SLC25A21: variants seen among roughly 807,000 people sequenced by gnomAD.
SLC25A21 encodes mitochondrial 2-oxodicarboxylate carrier.
Under a neutral mutation model 43.8 loss-of-function variants are expected in SLC25A21, and 47 were observed. The observed-to-expected ratio is 1.07, with a 90% confidence interval of 0.85 to 1.37. The LOEUF is 1.37. Among genes scored for constraint, SLC25A21 ranks in the 40% most tolerant of loss-of-function variants. The pLI is 0.00. For synonymous variants in SLC25A21, 131 were observed against 121.3 expected, an observed-to-expected ratio of 1.08 and a Z score of -0.52; for missense variants, 352 against 350.2, an observed-to-expected ratio of 1.00 and a Z score of -0.04.
intron 5 of SLC25A21, among the ~76,000 whole-genome samples, chr14:36,728,202 G>A (rs1469924533): frequency 6.6e-6 from 1 of 152,116 alleles, no homozygotes; most frequent in Non-Finnish European, 1.5e-5. Flanking sequence ...AAAAGTAACT[G>A]AAATAAATGA....
chr14:37,059,543 G>T (rs1459972239), intron 1 of SLC25A21, among the ~76,000 whole-genome samples: 1 of 152,194 alleles, frequency 6.6e-6, no homozygotes, highest in Non-Finnish European at 1.5e-5. Context: ...ATATAAAGGA[G>T]AATTGGGTTT....
At chr14:37,077,032 T>C (rs1359250177) in intron 1 of SLC25A21, among the ~76,000 whole-genome samples, 1 of 152,182 alleles carries the variant, frequency 6.6e-6, no homozygotes, top group African/African-American at 2.4e-5. Context: ...CATAAAAAAT[T>C]TGAGCTGTTT....
chr14:36,696,871 A>C (rs990557734), intron 7 of SLC25A21, among the ~76,000 whole-genome samples: 1 of 152,016 alleles, frequency 6.6e-6, no homozygotes, highest in African/African-American at 2.4e-5. Flanking sequence ...TCCTGGATTC[A>C]TTGGTTTTTT....
chr14:37,110,803 T>C (rs1160147814), intron 1 of SLC25A21, among the ~76,000 whole-genome samples: 1 of 152,212 alleles, frequency 6.6e-6, no homozygotes, highest in Admixed American at 6.5e-5. Flanking sequence ...AGGAATAGCC[T>C]GCTTGAACCA....
At chr14:36,744,056 A>G (rs565333960) in intron 3 of SLC25A21, among the ~76,000 whole-genome samples, 1 of 152,300 alleles carries the variant, frequency 6.6e-6, no homozygotes, top group African/African-American at 2.4e-5. Context: ...AACAAGTGGG[A>G]AAAAATCCTA....
chr14:36,685,272 A>T (rs2139141200), intron 7 of SLC25A21, among the ~76,000 whole-genome samples: 1 of 152,314 alleles, frequency 6.6e-6, no homozygotes, highest in East Asian at 1.9e-4. Context: ...ATCCAAGCAC[A>T]CTATTAGCTA....
chr14:36,985,820 G>A (rs1960134412), intron 1 of SLC25A21, among the ~76,000 whole-genome samples: 1 of 152,054 alleles, frequency 6.6e-6, no homozygotes, highest in Non-Finnish European at 1.5e-5. Flanking sequence ...ATTTGTATCA[G>A]AGAGAACTCA....
At chr14:36,712,349 CT>C (rs573742129) in intron 6 of SLC25A21, among the ~76,000 whole-genome samples, 5,967 of 142,562 alleles carry the variant, frequency 0.042, 353 homozygotes, top group African/African-American at 0.13. Flanking sequence ...CTGTTCAGTG[CT>C]TTTTTTTTTT....
At chr14:36,840,609 C>T (rs1055910323) in intron 2 of SLC25A21, among the ~76,000 whole-genome samples, 2 of 152,190 alleles carry the variant, frequency 1.3e-5, no homozygotes, top group Non-Finnish European at 2.9e-5. Context: ...TATCATCCTT[C>T]AAATGGCTTG....
In SLC25A21 at chr14:36,850,309, A is replaced by G. The variant is rs1223406236; in HGVS notation, c.119+24647T>C. Among the ~76,000 whole-genome samples the G allele has an allele frequency of 3.3e-5, 5 of 152,222 alleles. No individual in the cohort carries two copies. The South Asian group carries it at 1.0e-3, about 32-fold the overall frequency. On this transcript the variant is annotated intron_variant, in intron 2 of 9. Transcript: ENST00000331299. ...CAGGGCACTTTACATATATAATAGT[A>G]TGTGATAAAACTATTCTATGAGGTA...
chr14:37,055,771 T>TA (rs1961811744), intron 1 of SLC25A21, among the ~76,000 whole-genome samples: 1 of 152,094 alleles, frequency 6.6e-6, no homozygotes, highest in South Asian at 2.1e-4. Context: ...TGTAAAAGAG[T>TA]ACGTAATAGC....
At chr14:36,923,571 CT>C (rs1892040433) in intron 1 of SLC25A21, among the ~76,000 whole-genome samples, 1 of 151,904 alleles carries the variant, frequency 6.6e-6, no homozygotes, top group African/African-American at 2.4e-5. Context: ...CAACAATAGA[CT>C]TTTTAAAGCA....
At chr14:36,731,937 A>G (rs1479520566) in intron 4 of SLC25A21, among the ~76,000 whole-genome samples, 1 of 152,132 alleles carries the variant, frequency 6.6e-6, no homozygotes, top group African/African-American at 2.4e-5. Flanking sequence ...GCCTGAAAGT[A>G]TCCCAAGGTG....
intron 2 of SLC25A21, among the ~76,000 whole-genome samples, chr14:36,872,416 T>C (rs1890400082): frequency 6.6e-6 from 1 of 152,178 alleles, no homozygotes; most frequent in South Asian, 2.1e-4. Context: ...TTTGTTTCTA[T>C]TTAGAAACAC....
intron 1 of SLC25A21, among the ~76,000 whole-genome samples, chr14:37,170,297 G>A (rs1182276188): frequency 2.0e-5 from 3 of 152,150 alleles, no homozygotes; most frequent in Non-Finnish European, 4.4e-5. Flanking sequence ...GCCTCACAAA[G>A]TCCTGGGATT....
At chr14:36,863,548 T>C (rs1890131248) in intron 2 of SLC25A21, among the ~76,000 whole-genome samples, 1 of 152,216 alleles carries the variant, frequency 6.6e-6, no homozygotes, top group African/African-American at 2.4e-5. Context: ...AAACAGCCTT[T>C]CCAGATTATA....
chr14:36,798,493 C>T (rs1220929799), intron 3 of SLC25A21, among the ~76,000 whole-genome samples: 1 of 151,726 alleles, frequency 6.6e-6, no homozygotes, highest in Non-Finnish European at 1.5e-5. Context: ...GACTGAAACA[C>T]TCATTTTTGC....
At chr14:37,016,474 CGTG>C (rs1960859471) in intron 1 of SLC25A21, among the ~76,000 whole-genome samples, 1 of 152,016 alleles carries the variant, frequency 6.6e-6, no homozygotes, top group Non-Finnish European at 1.5e-5. Flanking sequence ...AGTCAGGTAG[CGTG>C]ATGCCTCCAG....
intron 1 of SLC25A21, among the ~76,000 whole-genome samples, chr14:37,085,579 C>T (rs1367770852): frequency 6.6e-6 from 1 of 152,092 alleles, no homozygotes; most frequent in Admixed American, 6.6e-5. Context: ...CTAGAAACTT[C>T]AAAGATGTCA....
Sources: gnomAD v4.1 joint callset for allele counts (sites outside exome capture counted in the v4.1 genomes callset) on GRCh38, gnomAD v4.1.1 for gene constraint, MANE v1.5 for transcripts, NCBI Gene and HGNC (gene_info 2026-07-23, HGNC 2026-07-21) for gene names.